ADGRL2: variants seen among roughly 807,000 people sequenced by gnomAD.
ADGRL2 encodes the protein adhesion G protein-coupled receptor L2.
A neutral mutation model predicts 157.4 loss-of-function variants in ADGRL2; 44 were observed. The ratio of observed to expected loss-of-function variants is 0.28; its 90% CI spans 0.22 to 0.36. ADGRL2 has a LOEUF of 0.36. Among genes scored for constraint, ADGRL2 ranks in the 10% least tolerant of loss-of-function variants. ADGRL2 has a pLI of 1.00. For synonymous variants in ADGRL2, 585 were observed against 624.7 expected, an observed-to-expected ratio of 0.94 and a Z score of 0.95; for missense variants, 1,510 against 1,768.9, an observed-to-expected ratio of 0.85 and a Z score of 2.63.
chr1:81,750,294 T>A (rs370624450), intron 1 of ADGRL2, among the ~76,000 whole-genome samples: 1 of 152,164 alleles, frequency 6.6e-6, no homozygotes, highest in African/African-American at 2.4e-5. Context: ...AGCATCTGAA[T>A]GGGAAGGGTC....
chr1:81,582,226 A>C (rs535205288), intron 3 of ADGRL2, among the ~76,000 whole-genome samples: 10 of 152,084 alleles, frequency 6.6e-5, no homozygotes, highest in African/African-American at 2.4e-4. Context: ...TCTCAAAAAA[A>C]ATTTTTTTTT....
At chr1:81,372,885 A>T (rs1259665343) in intron 1 of ADGRL2, among the ~76,000 whole-genome samples, 2 of 152,216 alleles carry the variant, frequency 1.3e-5, no homozygotes, top group Non-Finnish European at 2.9e-5. Context: ...AGCTTAGTAT[A>T]GAACTGTAAT....
At chr1:81,959,210 C>T (rs1279384357) in intron 11 of ADGRL2, among the ~76,000 whole-genome samples, 3 of 152,132 alleles carry the variant, frequency 2.0e-5, no homozygotes, top group Non-Finnish European at 4.4e-5. Flanking sequence ...TTCTTGGAGG[C>T]ATCTCATTGT....
chr1:81,921,750 A>C (rs1388632392), intron 3 of ADGRL2, among the ~76,000 whole-genome samples: 1 of 152,176 alleles, frequency 6.6e-6, no homozygotes, highest in Non-Finnish European at 1.5e-5. Context: ...AGCTTCTACA[A>C]ACTGCTTGTG....
At chr1:81,631,580 G>A (rs1050234967) in intron 3 of ADGRL2, among the ~76,000 whole-genome samples, 1 of 152,114 alleles carries the variant, frequency 6.6e-6, no homozygotes, top group African/African-American at 2.4e-5. Flanking sequence ...ATTACGCACC[G>A]ATATCTAGGT....
At chr1:81,836,838 T>G (rs760027041) in intron 1 of ADGRL2, 47 bp from the exon 2 acceptor site, 5 of 522,394 alleles carry the variant, frequency 9.6e-6, no homozygotes, top group Non-Finnish European at 1.7e-5. Context: ...ATTGTTTTGT[T>G]ATGTAGAAAG....
intron 17 of ADGRL2, among the ~76,000 whole-genome samples, chr1:81,979,108 C>G (rs1310674100): frequency 6.6e-6 from 1 of 151,786 alleles, no homozygotes; most frequent in African/African-American, 2.4e-5. Context: ...GCTCCTTTTC[C>G]TCTGAGCAAG....
At chr1:81,963,883 T>C (rs1365105593) in intron 11 of ADGRL2, among the ~76,000 whole-genome samples, 1 of 151,250 alleles carries the variant, frequency 6.6e-6, no homozygotes, top group Non-Finnish European at 1.5e-5. Flanking sequence ...AGAAATCTTA[T>C]TTAAAATTCA....
chr1:81,772,165 G>A (rs371327226), intron 2 of ADGRL2, among the ~76,000 whole-genome samples: 31 of 147,574 alleles, frequency 2.1e-4, no homozygotes, highest in South Asian at 1.7e-3. Flanking sequence ...CAGGAGAATC[G>A]CTTGAACCCG....
In ADGRL2 at chr1:81,337,218, C is replaced by T. The variant is rs184101379; in HGVS notation, c.-302+30709C>T. Among the ~76,000 whole-genome samples the T allele has an allele frequency of 1.6e-3, 238 of 152,308 alleles. 1 individual carries two copies. Among genetic ancestry groups the T allele is most frequent in the Non-Finnish European group, 2.5e-3 (170 of 68,024 alleles). The stretch of plus-strand genomic sequence containing the variant: ...TGTGCAACCTGATTCTTCCTAGATG[C>T]CGAACAAGAGCTTGGGATACAGGGG... On this transcript the variant is annotated intron_variant, in intron 1 of 24. Transcript: ENST00000370721.
Position 81,991,487 on chromosome 1 carries a change from A to T in ADGRL2, c.*342A>T, listed in dbSNP as rs936414577. Reference sequence around the variant, plus strand: ...CAGCAGTCTGTGAACTAAATTTGTAAATATGGCTGCACCATTTTTGTAGGC... The same window carrying T: ...CAGCAGTCTGTGAACTAAATTTGTATATATGGCTGCACCATTTTTGTAGGC... On this transcript the variant is annotated 3_prime_UTR_variant, in exon 24 of 24. Transcript: ENST00000686636. 1.1e-5 allele frequency: 2 copies of T among 187,322 alleles called. No individual in the cohort carries two copies. The highest frequency in any genetic ancestry group is 2.3e-5 in the Non-Finnish European group (2 of 87,954). 11.6% of individuals were successfully genotyped at this position (187,322 alleles called of 1,614,324 possible). A position where few individuals can be genotyped will look rare whatever the true frequency, so the allele number is the denominator to read the frequency against.
At chr1:81,459,749 C>T (rs1026945131) in intron 2 of ADGRL2, among the ~76,000 whole-genome samples, 21 of 150,938 alleles carry the variant, frequency 1.4e-4, no homozygotes, top group African/African-American at 5.1e-4. Context: ...TATATACACA[C>T]ACATATATAT....
intron 11 of ADGRL2, among the ~76,000 whole-genome samples, chr1:81,960,937 C>T (rs1327247179): frequency 4.6e-5 from 7 of 152,264 alleles, no homozygotes; most frequent in Admixed American, 3.9e-4. Context: ...GCTCTGCTTC[C>T]TGTCATCTTC....
intron 1 of ADGRL2, among the ~76,000 whole-genome samples, chr1:81,335,387 G>T (rs1019473254): frequency 3.3e-5 from 5 of 151,812 alleles, no homozygotes; most frequent in African/African-American, 4.8e-5. Context: ...TTTCTGACTC[G>T]GTCCAGTGTC....
intron 2 of ADGRL2, among the ~76,000 whole-genome samples, chr1:81,464,960 A>G (rs2078022850): frequency 6.6e-6 from 1 of 151,770 alleles, no homozygotes; most frequent in Non-Finnish European, 1.5e-5. Flanking sequence ...AGAAGAAAAG[A>G]AAAAGGAATA....
chr1:81,781,412 C>T (rs1009155647), intron 2 of ADGRL2, among the ~76,000 whole-genome samples: 9 of 151,986 alleles, frequency 5.9e-5, no homozygotes, highest in African/African-American at 9.7e-5. Flanking sequence ...ATATGTAGAA[C>T]TGTTTTTAGA....
At chr1:81,518,730 G>A (rs1435023396) in intron 2 of ADGRL2, among the ~76,000 whole-genome samples, 2 of 151,874 alleles carry the variant, frequency 1.3e-5, no homozygotes, top group African/African-American at 2.4e-5. Context: ...GCGTTGTGGA[G>A]GAGGTTGCAG....
At chr1:81,406,191 A>G (rs2076850779) in intron 1 of ADGRL2, among the ~76,000 whole-genome samples, 1 of 152,172 alleles carries the variant, frequency 6.6e-6, no homozygotes, top group Admixed American at 6.5e-5. Flanking sequence ...TACATCATGA[A>G]ATTTTTTTTT....
chr1:81,977,972 G>T (rs1210805134), intron 17 of ADGRL2, among the ~76,000 whole-genome samples: 1 of 151,296 alleles, frequency 6.6e-6, no homozygotes, highest in Non-Finnish European at 1.5e-5. Flanking sequence ...CAGTTTATTT[G>T]TTTACTTGGG....
Sources: allele counts gnomAD v4.1 joint callset (sites outside exome capture counted in the v4.1 genomes callset), GRCh38; gene constraint gnomAD v4.1.1; transcripts MANE v1.5; gene names NCBI Gene and HGNC (gene_info 2026-07-23, HGNC 2026-07-21).